AGBL1: variants seen among roughly 807,000 people sequenced by gnomAD.
AGBL1 encodes the protein AGBL carboxypeptidase 1.
In AGBL1, 130 loss-of-function variants were observed where a neutral mutation model predicts 118.9. The ratio of observed to expected loss-of-function variants is 1.09; its 90% CI spans 0.95 to 1.26. The LOEUF (loss-of-function observed/expected upper bound fraction) is 1.26. Among genes scored for constraint, AGBL1 ranks in the 50% most tolerant of loss-of-function variants. The pLI, the probability that AGBL1 is intolerant of heterozygous loss-of-function variation, is 0.00. For missense variants in AGBL1, 1,584 were observed against 1,298.1 expected (o/e 1.22, Z -3.38); for synonymous variants, 555 against 478.9 (o/e 1.16, Z -2.08).
chr15:86,314,550 T>C (rs572473797), intron 17 of AGBL1, among the ~76,000 whole-genome samples: 5 of 152,304 alleles, frequency 3.3e-5, no homozygotes, highest in East Asian at 3.9e-4. Flanking sequence ...ATGGTGGGTC[T>C]CTTTGCACAG....
intron 6 of AGBL1, among the ~76,000 whole-genome samples, chr15:86,244,525 C>T (rs994084691): frequency 3.3e-5 from 5 of 151,820 alleles, no homozygotes; most frequent in East Asian, 3.9e-4. Context: ...TGTAGGGTCG[C>T]GGGGGAAGGA....
rs200880342 is a variant in AGBL1, at chr15:86,247,849, G to A, written c.705G>A (p.Gln235=). 1 of 1,613,924 alleles carries A rather than the reference G, an allele frequency of 6.2e-7. No individual in the cohort carries two copies. The highest frequency in any genetic ancestry group is 2.2e-5 in the East Asian group (1 of 44,858). ...RSGREAFLAA[Q]GMEILFSTTQ... ...GCAGGGAGGCCTTCCTGGCAGCACAGGGCATGGAGATCCTCTTCAGCACCA... is the reference window on the plus strand; with the variant it reads ...GCAGGGAGGCCTTCCTGGCAGCACAAGGCATGGAGATCCTCTTCAGCACCA... Residue 235 remains glutamine, a synonymous_variant, in exon 7 of 23, where the codon CAG becomes CAA. Transcript: ENST00000614907.
At chr15:86,803,967 A>G (rs976088355) in intron 22 of AGBL1, among the ~76,000 whole-genome samples, 1 of 152,130 alleles carries the variant, frequency 6.6e-6, no homozygotes, top group African/African-American at 2.4e-5. Flanking sequence ...TAACCTTGGC[A>G]TAGGGAAAGA....
At chr15:86,569,447 C>A (rs2083969690) in intron 21 of AGBL1, among the ~76,000 whole-genome samples, 1 of 150,936 alleles carries the variant, frequency 6.6e-6, no homozygotes, top group South Asian at 2.1e-4. Context: ...GGATGCTAAT[C>A]TATCATTTTA....
intron 18 of AGBL1, among the ~76,000 whole-genome samples, chr15:86,487,076 C>G (rs1452138963): frequency 6.6e-6 from 1 of 152,074 alleles, no homozygotes; most frequent in African/African-American, 2.4e-5. Context: ...TTCTCAGGTT[C>G]TAACCATCCT....
intron 22 of AGBL1, among the ~76,000 whole-genome samples, chr15:86,837,053 C>T (rs1001524170): frequency 6.6e-6 from 1 of 152,106 alleles, no homozygotes; most frequent in African/African-American, 2.4e-5. Context: ...GGAAGACAGC[C>T]ACACACACTC....
At chr15:86,751,079 T>C (rs1317582426) in intron 22 of AGBL1, among the ~76,000 whole-genome samples, 3 of 152,166 alleles carry the variant, frequency 2.0e-5, no homozygotes, top group Admixed American at 6.6e-5. Context: ...TTCACTATTG[T>C]GAATAGTGCT....
At chr15:86,808,825 T>A (rs1321159411) in intron 22 of AGBL1, among the ~76,000 whole-genome samples, 4 of 151,920 alleles carry the variant, frequency 2.6e-5, no homozygotes, top group Non-Finnish European at 5.9e-5. Flanking sequence ...TTGCAATTCT[T>A]CTTGACTTCA....
intron 22 of AGBL1, among the ~76,000 whole-genome samples, chr15:86,745,821 T>C (rs77001565): frequency 6.6e-6 from 1 of 152,046 alleles, no homozygotes; most frequent in East Asian, 1.9e-4. Context: ...AGCTCATCTT[T>C]CCCATGACAC....
chr15:86,178,984 C>T (rs1043816703), intron 5 of AGBL1, among the ~76,000 whole-genome samples: 6 of 152,114 alleles, frequency 3.9e-5, no homozygotes, highest in South Asian at 2.1e-4. Flanking sequence ...ACAAAGCATG[C>T]GAAGGGTAGA....
chr15:86,546,432 C>A (rs779523028), intron 20 of AGBL1, among the ~76,000 whole-genome samples: 16 of 152,050 alleles, frequency 1.1e-4, no homozygotes, highest in Non-Finnish European at 2.4e-4. Context: ...CCTGGCTTTA[C>A]AATTATTCGA....
At position 86,613,895 on chromosome 15, in the gene AGBL1, AG is replaced by A. The variant is rs1321688122; in HGVS notation, c.2994+59361del. Among the ~76,000 whole-genome samples, 1 of 152,198 alleles carries A rather than the reference AG, an allele frequency of 6.6e-6. No homozygotes were observed. Among genetic ancestry groups the A allele is most frequent in the African/African-American group, 2.4e-5 (1 of 41,458 alleles). ...GTCCTGAGTGAAAAGACCAATCTCT[AG>A]GGATGTTATTCAAAGTAGTTCAAAT... On this transcript the variant is annotated intron_variant, in intron 21 of 22. Transcript: ENST00000614907. The surrounding 1 kb of genome is among the most constrained non-coding windows in gnomAD (Gnocchi z 4.2).
rs1376564277 is a variant in AGBL1 at position 86,143,698 on chromosome 15, G to C, written c.116-1G>C. 6.2e-7 allele frequency: 1 copy of C among 1,613,364 alleles called. No homozygotes were observed. The highest frequency in any genetic ancestry group is 1.1e-5 in the South Asian group (1 of 91,038). On this transcript the variant is annotated splice_acceptor_variant, in intron 2 of 22. Coordinates refer to ENST00000614907, the MANE Select transcript of AGBL1 (RefSeq NM_001386094.1). LOFTEE classifies it high-confidence loss of function. The stretch of plus-strand genomic sequence containing the variant: ...TCATCTTTCCTCCGGTTTCCCCTCA[G>C]GCACAGACCGGAGAATTCACTACAT...
intron 23 of AGBL1, among the ~76,000 whole-genome samples, chr15:86,933,529 T>C (rs1422118848): frequency 6.6e-6 from 1 of 152,198 alleles, no homozygotes; most frequent in Non-Finnish European, 1.5e-5. Context: ...TCTTTTGAGA[T>C]CAACTCCAGT....
At chr15:86,822,463 T>C (rs1373016250) in intron 22 of AGBL1, among the ~76,000 whole-genome samples, 1 of 152,124 alleles carries the variant, frequency 6.6e-6, no homozygotes, top group Non-Finnish European at 1.5e-5. Context: ...GGCATCACCA[T>C]CTCTGTGACC....
At chr15:86,546,351 C>G (rs1209562191) in intron 20 of AGBL1, among the ~76,000 whole-genome samples, 1 of 151,872 alleles carries the variant, frequency 6.6e-6, no homozygotes, top group Non-Finnish European at 1.5e-5. Context: ...GTTGCTTTGC[C>G]CCTGTTTTCT....
intron 1 of AGBL1, among the ~76,000 whole-genome samples, chr15:86,116,880 G>C (rs944420529): frequency 6.6e-6 from 1 of 151,642 alleles, no homozygotes; most frequent in African/African-American, 2.4e-5. Context: ...TGATTCTCAA[G>C]ACAACCCTAA....
intron 22 of AGBL1, among the ~76,000 whole-genome samples, chr15:86,800,945 C>T (rs137934332): frequency 2.4e-3 from 364 of 152,210 alleles, no homozygotes; most frequent in Non-Finnish European, 4.4e-3. Context: ...GGGTGAGATG[C>T]ATGAAATATC....
chr15:86,286,737 A>ATATATATATATATATATATATATATG (rs2079458761), intron 16 of AGBL1, among the ~76,000 whole-genome samples: 5 of 76,426 alleles, frequency 6.5e-5, no homozygotes, highest in Admixed American at 1.2e-4. Context: ...TTGTGTGTGT[A>ATATATATATATATATATATATATATG]TATATATATA....
Sources: gnomAD v4.1 joint callset for allele counts (sites outside exome capture counted in the v4.1 genomes callset) on GRCh38, gnomAD v4.1.1 for gene constraint, Gnocchi (gnomAD v3.1) non-coding constraint, MANE v1.5 for transcripts, NCBI Gene and HGNC (gene_info 2026-07-23, HGNC 2026-07-21) for gene names.